Variants in SCN8A observed in about 807,000 individuals in gnomAD.
The protein encoded by SCN8A is sodium channel protein type 8 subunit alpha.
SCN8A carries 30 observed loss-of-function variants against 184.1 expected under a neutral mutation model. That is an observed-to-expected ratio of 0.16 (90% confidence interval 0.12 to 0.22). The LOEUF (loss-of-function observed/expected upper bound fraction) is 0.22. Among genes scored for constraint, SCN8A ranks in the 10% least tolerant of loss-of-function variants. SCN8A has a pLI of 1.00. For missense variants in SCN8A, 1,057 were observed against 2,498.9 expected (o/e 0.42, Z 12.30); for synonymous variants, 852 against 907.0 (o/e 0.94, Z 1.09).
chr12:51,790,985 C>T (rs544759240), intron 25 of SCN8A, among the ~76,000 whole-genome samples: 53 of 152,212 alleles, frequency 3.5e-4, no homozygotes, highest in Admixed American at 3.0e-3. Context: ...GAGTCTGGTG[C>T]CCTGATTGCC....
At chr12:51,701,289 ACTTTT>A in intron 8 of SCN8A, 82 bp downstream of exon 8, 1 of 854,822 alleles carries the variant, frequency 1.2e-6, no homozygotes, top group Non-Finnish European at 1.8e-6. Context: ...CAATATGTTT[ACTTTT>A]CTTTGTGCTC....
chr12:51,802,054 CA>C (rs57827990), intron 26 of SCN8A, among the ~76,000 whole-genome samples: 3 of 150,010 alleles, frequency 2.0e-5, no homozygotes, highest in African/African-American at 4.9e-5. Flanking sequence ...GACTCTGTCT[CA>C]AAAAAAAAGA....
At chr12:51,611,051 A>G (rs1161355952) in intron 1 of SCN8A, among the ~76,000 whole-genome samples, 1 of 152,244 alleles carries the variant, frequency 6.6e-6, no homozygotes, top group African/African-American at 2.4e-5. Flanking sequence ...GAGAATTTAT[A>G]TCTTAACTAT....
chr12:51,720,922 C>T (rs945486222), intron 11 of SCN8A, among the ~76,000 whole-genome samples: 5 of 151,404 alleles, frequency 3.3e-5, no homozygotes, highest in African/African-American at 1.2e-4. Flanking sequence ...AAAAATTAGC[C>T]AGGGCGTGGT....
chr12:51,687,061 A>G lies in SCN8A; in HGVS notation c.486-30A>G, dbSNP rs777214794. On this transcript the variant is annotated intron_variant, in intron 4 of 26. Coordinates refer to ENST00000627620, the MANE Select transcript of SCN8A (RefSeq NM_001330260.2). Reference sequence around the variant, plus strand: ...GTTCATTTAAAGTTTCTGTCCAGAAATTACCTCAAGCTATTCATTTCTTTG... The same window carrying G: ...GTTCATTTAAAGTTTCTGTCCAGAAGTTACCTCAAGCTATTCATTTCTTTG... The G allele has an allele frequency of 1.5e-5, 24 of 1,612,350 alleles. No individual in the cohort carries two copies. In the Admixed American group the frequency reaches 2.0e-4, roughly 13 times the overall value.
intron 1 of SCN8A, among the ~76,000 whole-genome samples, chr12:51,638,492 T>C (rs1018380483): frequency 1.2e-4 from 18 of 151,202 alleles, no homozygotes; most frequent in Non-Finnish European, 1.9e-4. Context: ...TTATTCCTTT[T>C]TTTTTTTTTT....
At chr12:51,768,437 G>A (rs1465461247) in intron 16 of SCN8A, among the ~76,000 whole-genome samples, 2 of 152,018 alleles carry the variant, frequency 1.3e-5, no homozygotes, top group Non-Finnish European at 2.9e-5. Context: ...GGCACTTCAA[G>A]CCTCATTTTT....
chr12:51,606,055 C>G (rs1047754819), intron 1 of SCN8A, among the ~76,000 whole-genome samples: 7 of 152,126 alleles, frequency 4.6e-5, no homozygotes, highest in African/African-American at 1.7e-4. Context: ...TCTGTTTACT[C>G]TGCTGACTTC....
chr12:51,764,170 A>G (rs1428633120), intron 15 of SCN8A, among the ~76,000 whole-genome samples: 2 of 152,124 alleles, frequency 1.3e-5, no homozygotes, highest in East Asian at 3.9e-4. Flanking sequence ...TAAATATTGA[A>G]CTCTCTGATA....
chr12:51,671,936 A>T lies in SCN8A; in HGVS notation c.276+8843A>T, dbSNP rs540404110. ...GTTTGGCCTATGGAACCAAGTTGGA[A>T]TAAAAGATTCTGCTGATTTCAGAGA... On this transcript the variant is annotated intron_variant, in intron 2 of 26. Coordinates refer to ENST00000627620, the MANE Select transcript of SCN8A (RefSeq NM_001330260.2). Among the ~76,000 whole-genome samples, 22 of 152,320 alleles carry T rather than the reference A, an allele frequency of 1.4e-4. No individual in the cohort carries two copies. The South Asian group carries it at 2.1e-3, about 14-fold the overall frequency.
At chr12:51,753,946 G>A (rs892001266) in intron 14 of SCN8A, among the ~76,000 whole-genome samples, 1 of 152,188 alleles carries the variant, frequency 6.6e-6, no homozygotes, top group Non-Finnish European at 1.5e-5. Context: ...TGGTTGGAAT[G>A]TGAGGCTTTT....
At chr12:51,606,417 TG>T (rs1282566444) in intron 1 of SCN8A, among the ~76,000 whole-genome samples, 2 of 152,260 alleles carry the variant, frequency 1.3e-5, no homozygotes, top group East Asian at 1.9e-4. Context: ...AGTTTACTTC[TG>T]GGTTCTCTAT....
chr12:51,600,627 A>G (rs1592320134), intron 1 of SCN8A, among the ~76,000 whole-genome samples: 1 of 152,200 alleles, frequency 6.6e-6, no homozygotes, highest in Non-Finnish European at 1.5e-5. Context: ...CAACTTGAGT[A>G]TACAGTGGTA....
rs1292326265 is a variant in SCN8A, at chr12:51,591,283, G to C, written c.-131G>C. 1.3e-5 allele frequency: 2 copies of C among 153,214 alleles called. No homozygotes were observed. The highest frequency in any genetic ancestry group is 4.8e-5 in the African/African-American group (2 of 41,352). The allele number at this position is 153,214 out of a possible 1,614,324, so 9.5% of individuals were successfully genotyped here. The stretch of plus-strand genomic sequence containing the variant: ...CCGCAGTCCCGCCCGCCGCATCCTC[G>C]GCGCCTTTGCAGTCCGGCCGCGCCT... On this transcript the variant is annotated 5_prime_UTR_variant, in exon 1 of 27. Coordinates refer to ENST00000627620, the MANE Select transcript of SCN8A (RefSeq NM_001330260.2).
chr12:51,770,087 C>A, intron 18 of SCN8A, 102 bp downstream of exon 18: 1 of 753,854 alleles, frequency 1.3e-6, no homozygotes, highest in Non-Finnish European at 2.2e-6. Flanking sequence ...CAGTGGCTAT[C>A]TTCAAGAACT....
intron 1 of SCN8A, among the ~76,000 whole-genome samples, chr12:51,618,692 T>C (rs1939898535): frequency 6.6e-6 from 1 of 152,058 alleles, no homozygotes; most frequent in South Asian, 2.1e-4. Context: ...CTTCATCTTA[T>C]CTGGAGTGAG....
chr12:51,683,734 C>T (rs1941373679), intron 2 of SCN8A, among the ~76,000 whole-genome samples: 1 of 152,148 alleles, frequency 6.6e-6, no homozygotes, highest in Non-Finnish European at 1.5e-5. Context: ...GTCTGTCTTT[C>T]CCACTAGAAT....
chr12:51,616,473 A>T (rs567225427), intron 1 of SCN8A, among the ~76,000 whole-genome samples: 1 of 152,118 alleles, frequency 6.6e-6, no homozygotes, highest in Non-Finnish European at 1.5e-5. Flanking sequence ...TTAGCCAGAC[A>T]TGGTGGTGGG....
intron 11 of SCN8A, chr12:51,712,929 G>T: frequency 6.3e-7 from 1 of 1,591,006 alleles, no homozygotes; most frequent in Non-Finnish European, 8.6e-7. Flanking sequence ...AGCTTCCTCC[G>T]CAACCCATAA....
Sources: allele counts gnomAD v4.1 joint callset (sites outside exome capture counted in the v4.1 genomes callset), GRCh38; gene constraint gnomAD v4.1.1; transcripts MANE v1.5; gene names NCBI Gene and HGNC (gene_info 2026-07-23, HGNC 2026-07-21).